CMC1: variants seen among roughly 807,000 people sequenced by gnomAD.
The protein encoded by CMC1 is C-X9-C motif containing 1.
A neutral mutation model predicts 14.1 loss-of-function variants in CMC1; 14 were observed. The observed-to-expected ratio is 0.99, with a 90% CI of 0.66 to 1.55. The LOEUF is 1.55. Among genes scored for constraint, CMC1 ranks in the 40% most tolerant of loss-of-function variants. The probability of loss-of-function intolerance (pLI) is 0.00; values close to 1 mark genes in which losing one functional copy is unlikely to be tolerated. For missense variants in CMC1, 127 were observed against 123.8 expected (o/e 1.03, Z -0.12); for synonymous variants, 50 against 38.4 (o/e 1.30, Z -1.12).
intron 2 of CMC1, among the ~76,000 whole-genome samples, chr3:28,265,093 A>T (rs1699938368): frequency 6.6e-6 from 1 of 152,148 alleles, no homozygotes; most frequent in African/African-American, 2.4e-5. Flanking sequence ...GTTGTTTAGG[A>T]TGTTGACGTA....
At chr3:28,305,030 A>AC (rs2125585386) in intron 2 of CMC1, among the ~76,000 whole-genome samples, 1 of 152,226 alleles carries the variant, frequency 6.6e-6, no homozygotes, top group South Asian at 2.1e-4. Context: ...TTGAACCGTC[A>AC]CCCAAACAGT....
chr3:28,309,920 T>G (rs1222250287), intron 2 of CMC1, among the ~76,000 whole-genome samples: 1 of 136,106 alleles, frequency 7.3e-6, no homozygotes, highest in African/African-American at 2.8e-5. Context: ...TACATGCCTT[T>G]TCTCCTCCAC....
chr3:28,290,419 T>C (rs1701411388), intron 2 of CMC1, among the ~76,000 whole-genome samples: 1 of 152,164 alleles, frequency 6.6e-6, no homozygotes, highest in South Asian at 2.1e-4. Flanking sequence ...CTCAGAACTT[T>C]GTAGATACAC....
In CMC1 at chr3:28,263,295, G is replaced by C. The variant is rs1384657713; in HGVS notation, c.24G>C (p.Gln8His). 6.3e-7 allele frequency: 1 copy of C among 1,589,350 alleles called. No homozygotes were observed. The highest frequency in any genetic ancestry group is 1.4e-5 in the African/African-American group (1 of 73,246). The change falls in exon 2 of 4, where the codon CAG (glutamine) becomes CAC (histidine). Residue 8 changes from glutamine (Q) to histidine (H), a missense_variant. Gln to His is a conservative substitution (Grantham distance 24). Transcript: ENST00000466830. MALDPAD[Q>H]HLRHVEKDVL... ...GAAAGATCTTTTTTTTTTCAGACCA[G>C]CATCTCAGACATGTCGAAAAAGATG...
Position 28,320,927 on chromosome 3 carries a change from G to T in CMC1, c.*1298G>T, listed in dbSNP as rs777605634. On this transcript the variant is annotated 3_prime_UTR_variant, in exon 4 of 4. Coordinates refer to ENST00000466830, the MANE Select transcript of CMC1 (RefSeq NM_182523.2). ...ACAGTCCTCATTAAAATCACAAATA[G>T]AAATTACTACCCACTAAGACAAGGT... 1.3e-5 allele frequency: 2 copies of T among 151,246 alleles called. No individual in the cohort carries two copies. Among genetic ancestry groups the T allele is most frequent in the Non-Finnish European group, 3.0e-5 (2 of 67,594 alleles). The allele number at this position is 151,246 out of a possible 1,614,324, so 9.4% of individuals were successfully genotyped here. A position where few individuals can be genotyped will look rare whatever the true frequency, so the allele number is the denominator to read the frequency against.
At chr3:28,288,270 GTTTACC>G (rs1315304886) in intron 2 of CMC1, among the ~76,000 whole-genome samples, 1 of 151,978 alleles carries the variant, frequency 6.6e-6, no homozygotes, top group African/African-American at 2.4e-5. Context: ...TGTGAAGTGA[GTTTACC>G]TTTATCATAA....
intron 2 of CMC1, among the ~76,000 whole-genome samples, chr3:28,293,336 G>T (rs1606388): frequency 0.22 from 32,469 of 150,554 alleles, 4,205 homozygotes; most frequent in Middle Eastern, 0.29. Context: ...TGGCTGGGGA[G>T]GTGACAGAAT....
At chr3:28,260,098 A>G (rs1225260854) in intron 1 of CMC1, among the ~76,000 whole-genome samples, 1 of 152,092 alleles carries the variant, frequency 6.6e-6, no homozygotes, top group Non-Finnish European at 1.5e-5. Context: ...TGGACTGTTA[A>G]TATATCTCAT....
intron 2 of CMC1, among the ~76,000 whole-genome samples, chr3:28,290,252 A>T (rs1410501468): frequency 4.0e-5 from 6 of 151,692 alleles, no homozygotes; most frequent in Non-Finnish European, 5.9e-5. Context: ...TTTTTTTTTG[A>T]TCTGTTGCTT....
Position 28,249,939 on chromosome 3 carries a change from C to T in CMC1, c.19+8127C>T, listed in dbSNP as rs149866409. Reference sequence around the variant, plus strand: ...CCCTGTGTGTTTACATGGCAGTGAGCGGGGAGGGATGGGGGAAGAGGAGGT... The same window carrying T: ...CCCTGTGTGTTTACATGGCAGTGAGTGGGGAGGGATGGGGGAAGAGGAGGT... On this transcript the variant is annotated intron_variant, in intron 1 of 3. Transcript: ENST00000466830. Among the ~76,000 whole-genome samples, 923 of 151,884 alleles carry T rather than the reference C, an allele frequency of 6.1e-3. 9 individuals are homozygous for T. The highest frequency in any genetic ancestry group is 0.02 in the African/African-American group (828 of 41,394).
At chr3:28,242,618 A>G (rs1698588580) in intron 1 of CMC1, among the ~76,000 whole-genome samples, 2 of 152,206 alleles carry the variant, frequency 1.3e-5, no homozygotes, top group South Asian at 4.1e-4. Flanking sequence ...TTTTAATTGA[A>G]CATGTTATTA....
At chr3:28,319,225 T>G (rs1461878684) in intron 3 of CMC1, 1 of 479,910 alleles carries the variant, frequency 2.1e-6, no homozygotes, top group Non-Finnish European at 4.1e-6. Flanking sequence ...TTTTGTAGAT[T>G]TAATTTTAAT....
chr3:28,318,055 CTTGACT>C (rs1241593397), intron 3 of CMC1: 1 of 151,732 alleles, frequency 6.6e-6, no homozygotes, highest in East Asian at 1.9e-4. Flanking sequence ...GAAAATTGTA[CTTGACT>C]TTGAGTCCCC....
intron 2 of CMC1, among the ~76,000 whole-genome samples, chr3:28,275,880 A>G (rs968346513): frequency 8.5e-5 from 13 of 152,314 alleles, no homozygotes; most frequent in African/African-American, 3.1e-4. Context: ...TGATCTAAAC[A>G]GGCAGTCTGG....
chr3:28,284,759 A>G (rs1015692427), intron 2 of CMC1, among the ~76,000 whole-genome samples: 8 of 141,424 alleles, frequency 5.7e-5, no homozygotes, highest in Non-Finnish European at 1.1e-4. Context: ...TGTGTTGGCT[A>G]TTTCTTGACC....
At chr3:28,261,823 A>T (rs925679739) in intron 1 of CMC1, among the ~76,000 whole-genome samples, 2 of 152,130 alleles carry the variant, frequency 1.3e-5, no homozygotes, top group Non-Finnish European at 2.9e-5. Flanking sequence ...CATGTGTATG[A>T]AAAGTTGGCC....
intron 2 of CMC1, among the ~76,000 whole-genome samples, chr3:28,309,910 T>C (rs1226439086): frequency 2.2e-5 from 3 of 138,336 alleles, no homozygotes; most frequent in African/African-American, 8.4e-5. Context: ...TCATACTTGG[T>C]ACATGCCTTT....
intron 1 of CMC1, among the ~76,000 whole-genome samples, chr3:28,261,953 A>C (rs1699757847): frequency 6.6e-6 from 1 of 152,206 alleles, no homozygotes; most frequent in African/African-American, 2.4e-5. Context: ...GTGTCGTTCA[A>C]GGATCAACTG....
chr3:28,311,802 T>C (rs1417742597), intron 2 of CMC1, among the ~76,000 whole-genome samples: 1 of 152,228 alleles, frequency 6.6e-6, no homozygotes, highest in Non-Finnish European at 1.5e-5. Context: ...GACACCTTTG[T>C]CTGAAGGGAA....
Sources: allele counts gnomAD v4.1 joint callset (sites outside exome capture counted in the v4.1 genomes callset), GRCh38; gene constraint gnomAD v4.1.1; transcripts MANE v1.5; gene names NCBI Gene and HGNC (gene_info 2026-07-23, HGNC 2026-07-21).